Variants in KCNQ1OT1 observed in about 807,000 individuals in gnomAD.
KCNQ1OT1 encodes the protein KCNQ1 antisense RNA 2 (non-protein coding).
exon 1 of KCNQ1OT1, chr11:2,644,447 C>T (rs568705662): frequency 5.0e-6 from 2 of 398,320 alleles, no homozygotes; most frequent in East Asian, 7.1e-5. Context: ...ATATCTATCT[C>T]TTGGGCAAAT....
rs1410195306 is a variant in KCNQ1OT1, at chr11:2,670,694, G to A, written n.29301C>T. ...GGCAGTGTAGCAGTAACAAGACAAA[G>A]GGATTCTGTGGCCCATGGAGCAGGA... On this transcript the variant is annotated non_coding_transcript_exon_variant, in exon 1 of 1. Coordinates refer to ENST00000597346, the Ensembl canonical transcript of KCNQ1OT1. This position sits in a 1 kb window ranked among gnomAD's most constrained non-coding sequence, Gnocchi z 4.9. 4 of 398,540 alleles carry A rather than the reference G, an allele frequency of 1.0e-5. No individual in the cohort carries two copies. Among genetic ancestry groups the A allele is most frequent in the African/African-American group, 8.2e-5 (4 of 48,620 alleles). 24.7% of individuals were successfully genotyped at this position (398,540 alleles called of 1,614,324 possible).
exon 1 of KCNQ1OT1, chr11:2,615,050 T>G: frequency 5.0e-6 from 2 of 398,418 alleles, no homozygotes; most frequent in Non-Finnish European, 8.9e-6. Flanking sequence ...TCTATTTATT[T>G]AAGTCTTCTT....
At chr11:2,615,987 A>G (rs974242827) in exon 1 of KCNQ1OT1, 1 of 398,152 alleles carries the variant, frequency 2.5e-6, no homozygotes, top group East Asian at 3.6e-5. Flanking sequence ...CCATCTGTGT[A>G]GCATTTTCTT....
Position 2,663,712 on chromosome 11 carries a change from T to A in KCNQ1OT1, n.36283A>T. The A allele has an allele frequency of 2.5e-6, 1 of 398,714 alleles. No individual in the cohort carries two copies. Among genetic ancestry groups the A allele is most frequent in the Non-Finnish European group, 4.4e-6 (1 of 226,094 alleles). The allele number at this position is 398,714 out of a possible 1,614,324, so 24.7% of individuals were successfully genotyped here. A position where few individuals can be genotyped will look rare whatever the true frequency, so the allele number is the denominator to read the frequency against. ...GCCAGGCCTTACCAACTCTTGGGTC[T>A]TGCAAGGCCCCTGCAGGTGAAGGTG... On this transcript the variant is annotated non_coding_transcript_exon_variant, in exon 1 of 1. Transcript: ENST00000597346. This position sits in a 1 kb window ranked among gnomAD's most constrained non-coding sequence, Gnocchi z 5.2.
chr11:2,643,668 AG>A, exon 1 of KCNQ1OT1: 3 of 398,490 alleles, frequency 7.5e-6, no homozygotes, highest in Non-Finnish European at 1.3e-5. Flanking sequence ...TTGATATGTG[AG>A]GGCTTATTCC....
exon 1 of KCNQ1OT1, chr11:2,666,974 C>T (rs544594087): frequency 8.5e-5 from 34 of 398,744 alleles, no homozygotes; most frequent in Admixed American, 5.7e-4. Flanking sequence ...TCTGGGGGCC[C>T]GCCCGGGAGG....
chr11:2,676,400 G>C lies in KCNQ1OT1; in HGVS notation n.23595C>G, dbSNP rs1297252494. 1.0e-5 allele frequency: 4 copies of C among 398,548 alleles called. No individual in the cohort carries two copies. The highest frequency in any genetic ancestry group is 8.8e-5 in the Admixed American group (2 of 22,724). The allele number at this position is 398,548 out of a possible 1,614,324, so 24.7% of individuals were successfully genotyped here. ...GGAGCATAGTCTCTGTGTTCAGCTA[G>C]AGATTTAGCCCAATGGGCTGGGCTT... On this transcript the variant is annotated non_coding_transcript_exon_variant, in exon 1 of 1. Transcript: ENST00000597346. This position sits in a 1 kb window ranked among gnomAD's most constrained non-coding sequence, Gnocchi z 4.2.
chr11:2,654,645 C>T lies in KCNQ1OT1; in HGVS notation n.45350G>A, dbSNP rs770673606. The T allele has an allele frequency of 1.6e-4, 65 of 398,862 alleles. No homozygotes were observed. Among genetic ancestry groups the T allele is most frequent in the South Asian group, 3.8e-4 (3 of 7,856 alleles). 24.7% of individuals were successfully genotyped at this position (398,862 alleles called of 1,614,324 possible). ...AGGGCCCAGACACTGGCGAGAGTCT[C>T]TTGAGGGCAGAGGGCAGCAGAGATG... On this transcript the variant is annotated non_coding_transcript_exon_variant, in exon 1 of 1. Transcript: ENST00000597346. The surrounding 1 kb of genome is among the most constrained non-coding windows in gnomAD (Gnocchi z 6.4).
At position 2,646,342 on chromosome 11, in the gene KCNQ1OT1, G is replaced by A. The variant is rs553229687; in HGVS notation, n.53653C>T. On this transcript the variant is annotated non_coding_transcript_exon_variant, in exon 1 of 1. Coordinates refer to ENST00000597346, the Ensembl canonical transcript of KCNQ1OT1. ...TTTTTCTTTCAATCCATGAGCATGGGATGTCTCAAAAAATTTTGTAGCCTC... is the reference window on the plus strand; with the variant it reads ...TTTTTCTTTCAATCCATGAGCATGGAATGTCTCAAAAAATTTTGTAGCCTC... 177 of 398,382 alleles carry A rather than the reference G, an allele frequency of 4.4e-4. No individual in the cohort carries two copies. The highest frequency in any genetic ancestry group is 6.7e-4 in the Non-Finnish European group (151 of 226,058). The allele number at this position is 398,382 out of a possible 1,614,324, so 24.7% of individuals were successfully genotyped here. A position where few individuals can be genotyped will look rare whatever the true frequency, so the allele number is the denominator to read the frequency against.
In KCNQ1OT1 at chr11:2,624,116, A is replaced by T; in HGVS notation, n.75879T>A. ...GTTTTGAATTTTGGCCATTCTAATA[A>T]GCGTGTAGATATATCACATTTCTTG... On this transcript the variant is annotated non_coding_transcript_exon_variant, in exon 1 of 1. Coordinates refer to ENST00000597346, the Ensembl canonical transcript of KCNQ1OT1. The surrounding 1 kb of genome is among the most constrained non-coding windows in gnomAD (Gnocchi z 4.9). 2.5e-6 allele frequency: 1 copy of T among 398,528 alleles called. No individual in the cohort carries two copies. Among genetic ancestry groups the T allele is most frequent in the Non-Finnish European group, 4.4e-6 (1 of 226,036 alleles). The allele number at this position is 398,528 out of a possible 1,614,324, so 24.7% of individuals were successfully genotyped here.
chr11:2,689,574 G>A, exon 1 of KCNQ1OT1: 1 of 398,660 alleles, frequency 2.5e-6, no homozygotes, highest in Non-Finnish European at 4.4e-6. Context: ...GTGGAAATCT[G>A]TTAGCAGTGG....
At chr11:2,666,607 C>T (rs528445806) in exon 1 of KCNQ1OT1, 8 of 398,528 alleles carry the variant, frequency 2.0e-5, no homozygotes, top group Non-Finnish European at 3.5e-5. Flanking sequence ...GAAATAAGGG[C>T]AAACGTCACA....
exon 1 of KCNQ1OT1, chr11:2,616,433 A>C (rs1037249615): frequency 5.0e-6 from 2 of 397,360 alleles, no homozygotes; most frequent in Non-Finnish European, 8.9e-6. Context: ...CTCTCTTTTA[A>C]CTTTAGGTTT....
chr11:2,643,820 T>C, exon 1 of KCNQ1OT1: 2 of 398,614 alleles, frequency 5.0e-6, no homozygotes, highest in East Asian at 7.1e-5. Flanking sequence ...TTAAGGGAAA[T>C]ACTTTATTTC....
chr11:2,692,286 G>T, exon 1 of KCNQ1OT1: 1 of 398,976 alleles, frequency 2.5e-6, no homozygotes, highest in Non-Finnish European at 4.4e-6. Context: ...TAGTTCTAGA[G>T]GTTCCCTGCT....
rs1184604652 is a variant in KCNQ1OT1, at chr11:2,687,174, G to C, written n.12821C>G. The C allele has an allele frequency of 2.5e-6, 1 of 398,500 alleles. No homozygotes were observed. The highest frequency in any genetic ancestry group is 4.4e-6 in the Non-Finnish European group (1 of 226,082). 24.7% of individuals were successfully genotyped at this position (398,500 alleles called of 1,614,324 possible). A position where few individuals can be genotyped will look rare whatever the true frequency, so the allele number is the denominator to read the frequency against. ...CTTCCTCCACAAAGCACAGAAGTCT[G>C]CCAAAAGCCCAGGCTGGATAGGGAG... On this transcript the variant is annotated non_coding_transcript_exon_variant, in exon 1 of 1. Coordinates refer to ENST00000597346, the Ensembl canonical transcript of KCNQ1OT1. This position sits in a 1 kb window ranked among gnomAD's most constrained non-coding sequence, Gnocchi z 5.0.
In KCNQ1OT1 at chr11:2,652,160, G is replaced by A. The variant is rs772776049; in HGVS notation, n.47835C>T. The A allele has an allele frequency of 2.5e-6, 1 of 398,690 alleles. No individual in the cohort carries two copies. Among genetic ancestry groups the A allele is most frequent in the Non-Finnish European group, 4.4e-6 (1 of 226,126 alleles). 24.7% of individuals were successfully genotyped at this position (398,690 alleles called of 1,614,324 possible). On this transcript the variant is annotated non_coding_transcript_exon_variant, in exon 1 of 1. Coordinates refer to ENST00000597346, the Ensembl canonical transcript of KCNQ1OT1. This position sits in a 1 kb window ranked among gnomAD's most constrained non-coding sequence, Gnocchi z 5.9. ...TGTTTCTCAAGCCCGCGCCCTCGGG[G>A]CCTGGGGGTGGGGCCCCAGCAGATG...
rs1850714365 is a variant in KCNQ1OT1 at position 2,698,413 on chromosome 11, G to T, written n.1582C>A. 7.6e-6 allele frequency: 3 copies of T among 394,904 alleles called. No homozygotes were observed. The Admixed American group carries it at 1.3e-4, about 18-fold the overall frequency. The allele number at this position is 394,904 out of a possible 1,614,324, so 24.5% of individuals were successfully genotyped here. A position where few individuals can be genotyped will look rare whatever the true frequency, so the allele number is the denominator to read the frequency against. On this transcript the variant is annotated non_coding_transcript_exon_variant, in exon 1 of 1. Coordinates refer to ENST00000597346, the Ensembl canonical transcript of KCNQ1OT1. The surrounding 1 kb of genome is among the most constrained non-coding windows in gnomAD (Gnocchi z 5.1). ...GGGGTACTGGGATCTGAACATAGTG[G>T]TGGCCCTTCAAGCCTACTACCCAGA...
At chr11:2,619,736 C>T in exon 1 of KCNQ1OT1, 1 of 397,076 alleles carries the variant, frequency 2.5e-6, no homozygotes, top group Non-Finnish European at 4.4e-6. Flanking sequence ...GGAAGTATTC[C>T]CTATAGCTGC....
Sources: gnomAD v4.1 joint callset for allele counts on GRCh38, gnomAD v4.1.1 for gene constraint, Gnocchi (gnomAD v3.1) non-coding constraint, MANE v1.5 for transcripts, NCBI Gene and HGNC (gene_info 2026-07-23, HGNC 2026-07-21) for gene names.